The following CADM1 variants were observed in gnomAD, a reference collection of about 807,000 sequenced individuals.
CADM1 encodes TSLC-1.
CADM1 carries 15 observed loss-of-function variants against 53.1 expected under a neutral mutation model. The observed-to-expected ratio is 0.28, with a 90% CI of 0.19 to 0.44. The LOEUF (loss-of-function observed/expected upper bound fraction) is 0.44. CADM1 is among the 20% of genes least tolerant of loss of function. The pLI is 1.00. For synonymous variants in CADM1, 281 were observed against 243.0 expected, an observed-to-expected ratio of 1.16 and a Z score of -1.45; for missense variants, 434 against 611.3, an observed-to-expected ratio of 0.71 and a Z score of 3.06.
intron 1 of CADM1, among the ~76,000 whole-genome samples, chr11:115,306,347 T>G (rs139842339): frequency 9.9e-5 from 15 of 152,118 alleles, no homozygotes; most frequent in Non-Finnish European, 2.2e-4. Flanking sequence ...GACTACACCA[T>G]CTATGTTTAT....
chr11:115,336,810 A>G (rs1945279234), intron 1 of CADM1, among the ~76,000 whole-genome samples: 4 of 152,194 alleles, frequency 2.6e-5, no homozygotes, highest in Admixed American at 1.3e-4. Flanking sequence ...ACATTAGTTA[A>G]CATTTTACAT....
intron 1 of CADM1, among the ~76,000 whole-genome samples, chr11:115,312,227 T>C (rs905193570): frequency 6.6e-6 from 1 of 152,206 alleles, no homozygotes; most frequent in Non-Finnish European, 1.5e-5. Flanking sequence ...CTTGCTCCAA[T>C]GCCGCTTTAT....
intron 1 of CADM1, among the ~76,000 whole-genome samples, chr11:115,474,916 T>C (rs796358723): frequency 6.6e-5 from 10 of 152,292 alleles, no homozygotes; most frequent in African/African-American, 2.4e-4. Flanking sequence ...CACACACACA[T>C]ATACTGACAA....
intron 1 of CADM1, among the ~76,000 whole-genome samples, chr11:115,241,851 A>G (rs187574619): frequency 6.6e-6 from 1 of 152,334 alleles, no homozygotes; most frequent in Admixed American, 6.5e-5. Flanking sequence ...TCCCACATAA[A>G]GAAACAAAGG....
At chr11:115,425,072 A>T (rs556753306) in intron 1 of CADM1, among the ~76,000 whole-genome samples, 1 of 152,324 alleles carries the variant, frequency 6.6e-6, no homozygotes, top group Non-Finnish European at 1.5e-5. Context: ...GCAGATAAAG[A>T]CAATTTGGCT....
At chr11:115,180,835 A>C (rs1565281286) in intron 10 of CADM1, among the ~76,000 whole-genome samples, 1 of 152,160 alleles carries the variant, frequency 6.6e-6, no homozygotes, top group Non-Finnish European at 1.5e-5. Context: ...GAGCTGTCAA[A>C]ATAGGGAATC....
intron 1 of CADM1, among the ~76,000 whole-genome samples, chr11:115,304,431 G>A (rs1329023404): frequency 6.6e-6 from 1 of 151,992 alleles, no homozygotes; most frequent in Non-Finnish European, 1.5e-5. Flanking sequence ...AAAATAAAAA[G>A]TTCTTAGGAT....
At chr11:115,442,735 A>G (rs1184031271) in intron 1 of CADM1, among the ~76,000 whole-genome samples, 1 of 152,200 alleles carries the variant, frequency 6.6e-6, no homozygotes, top group African/African-American at 2.4e-5. Context: ...GACTAAAAGT[A>G]ACTCTTGATA....
At chr11:115,202,287 G>A (rs1565294741) in intron 8 of CADM1, among the ~76,000 whole-genome samples, 1 of 152,060 alleles carries the variant, frequency 6.6e-6, no homozygotes, top group Non-Finnish European at 1.5e-5. Flanking sequence ...CCTTTCATAT[G>A]GATTCTCTCC....
intron 3 of CADM1, among the ~76,000 whole-genome samples, chr11:115,236,068 G>A (rs557073929): frequency 1.3e-5 from 2 of 152,200 alleles, no homozygotes; most frequent in Admixed American, 6.5e-5. Flanking sequence ...ACAAGTACCC[G>A]CCTCCATATC....
At chr11:115,400,623 T>A (rs1947119586) in intron 1 of CADM1, among the ~76,000 whole-genome samples, 1 of 138,970 alleles carries the variant, frequency 7.2e-6, no homozygotes, top group African/African-American at 2.7e-5. Flanking sequence ...ATCTTTTATA[T>A]ATATGTATCA....
intron 1 of CADM1, among the ~76,000 whole-genome samples, chr11:115,490,392 ATTTTT>A (rs35633504): frequency 5.5e-5 from 6 of 109,310 alleles, no homozygotes; most frequent in Admixed American, 3.2e-4. Context: ...GGAAGAACAG[ATTTTT>A]TTTTTTTTTT....
At chr11:115,487,203 G>C (rs372851841) in intron 1 of CADM1, among the ~76,000 whole-genome samples, 28 of 152,122 alleles carry the variant, frequency 1.8e-4, no homozygotes, top group Non-Finnish European at 3.4e-4. Flanking sequence ...AATCTTATGG[G>C]GGAGATCCAA....
chr11:115,320,064 T>C, intron 1 of CADM1, among the ~76,000 whole-genome samples: 1 of 152,242 alleles, frequency 6.6e-6, no homozygotes, highest in East Asian at 1.9e-4. Flanking sequence ...ATTTATTCAT[T>C]CATTCATGTA....
At chr11:115,239,253 C>G (rs1013835590) in intron 2 of CADM1, among the ~76,000 whole-genome samples, 1 of 152,050 alleles carries the variant, frequency 6.6e-6, no homozygotes, top group Non-Finnish European at 1.5e-5. Context: ...GCAAAATAAA[C>G]CTAATCAACT....
intron 1 of CADM1, among the ~76,000 whole-genome samples, chr11:115,360,416 T>C (rs1328158428): frequency 2.0e-5 from 3 of 152,198 alleles, no homozygotes; most frequent in Non-Finnish European, 4.4e-5. Context: ...ACAGGGCCTG[T>C]ACATGAACAG....
At chr11:115,413,110 G>C (rs1947498595) in intron 1 of CADM1, among the ~76,000 whole-genome samples, 1 of 152,106 alleles carries the variant, frequency 6.6e-6, no homozygotes, top group African/African-American at 2.4e-5. Flanking sequence ...TTACCCACAG[G>C]AGTGGGGCTG....
intron 1 of CADM1, among the ~76,000 whole-genome samples, chr11:115,431,915 C>CATAT (rs1010583149): frequency 1.3e-5 from 2 of 149,738 alleles, no homozygotes; most frequent in Non-Finnish European, 3.0e-5. Flanking sequence ...AATATTATAC[C>CATAT]ATATATATAT....
intron 1 of CADM1, among the ~76,000 whole-genome samples, chr11:115,420,729 A>T (rs1947732883): frequency 6.6e-6 from 1 of 152,126 alleles, no homozygotes; most frequent in South Asian, 2.1e-4. Context: ...TTTACATTTG[A>T]GCTGTAAATC....
Sources: gnomAD v4.1 joint callset for allele counts (sites outside exome capture counted in the v4.1 genomes callset) on GRCh38, gnomAD v4.1.1 for gene constraint, MANE v1.5 for transcripts, NCBI Gene and HGNC (gene_info 2026-07-23, HGNC 2026-07-21) for gene names.